CHAF1B: variants seen among roughly 807,000 people sequenced by gnomAD.
CHAF1B encodes the protein chromatin assembly factor 1 subunit B, also known as CAF-1 subunit B.
CHAF1B carries 10 observed loss-of-function variants against 60.7 expected under a neutral mutation model. That is an observed-to-expected ratio of 0.16 (90% CI 0.10 to 0.28). The LOEUF (loss-of-function observed/expected upper bound fraction) is 0.28, where lower values mean the gene tolerates loss of function less well. CHAF1B is among the 10% of genes least tolerant of loss of function. The pLI, the probability that CHAF1B is intolerant of heterozygous loss-of-function variation, is 1.00. For missense variants in CHAF1B, 558 were observed against 708.4 expected (o/e 0.79, Z 2.41); for synonymous variants, 261 against 266.1 (o/e 0.98, Z 0.19).
intron 6 of CHAF1B, among the ~76,000 whole-genome samples, chr21:36,399,196 G>A (rs1011645608): frequency 2.0e-5 from 3 of 151,862 alleles, no homozygotes; most frequent in Non-Finnish European, 2.9e-5. Flanking sequence ...CACCACGCCC[G>A]GCTAATTTTT....
At position 36,417,639 on chromosome 21, in the gene CHAF1B, T is replaced by C. The variant is rs2086329684; in HGVS notation, c.*1273T>C. 2 of 152,040 alleles carry C rather than the reference T, an allele frequency of 1.3e-5. No individual in the cohort carries two copies. The highest frequency in any genetic ancestry group is 6.6e-5 in the Admixed American group (1 of 15,242). 9.4% of individuals were successfully genotyped at this position (152,040 alleles called of 1,614,324 possible). The stretch of plus-strand genomic sequence containing the variant: ...GCTACTGCACCTGGCCTAATTATTA[T>C]ATTTTTAGGGGAGACGGGGTTTTTC... On this transcript the variant is annotated 3_prime_UTR_variant, in exon 14 of 14. Coordinates refer to ENST00000314103, the MANE Select transcript of CHAF1B (RefSeq NM_005441.3).
At chr21:36,408,682 G>T in intron 8 of CHAF1B, 79 bp from the exon 9 acceptor site, 1 of 978,874 alleles carries the variant, frequency 1.0e-6, no homozygotes, top group Non-Finnish European at 1.6e-6. Context: ...CGGACCTGAA[G>T]GCTCTTGAGT....
At chr21:36,394,064 AT>A (rs996810974) in intron 4 of CHAF1B, among the ~76,000 whole-genome samples, 12 of 119,778 alleles carry the variant, frequency 1.0e-4, no homozygotes, top group Admixed American at 2.6e-4. Context: ...ACACCTGGCT[AT>A]TTTTTTTTTG....
At chr21:36,403,876 T>C (rs887146851) in intron 8 of CHAF1B, among the ~76,000 whole-genome samples, 3 of 152,148 alleles carry the variant, frequency 2.0e-5, no homozygotes, top group African/African-American at 4.8e-5. Context: ...GGCACTGTCT[T>C]GGTTTGCCAC....
At chr21:36,415,956 G>T in intron 13 of CHAF1B, 1 of 327,530 alleles carries the variant, frequency 3.1e-6, no homozygotes, top group South Asian at 2.6e-5. Flanking sequence ...GTTTCACCAC[G>T]TTGGCCAGGC....
At position 36,418,447 on chromosome 21, in the gene CHAF1B, G is replaced by A; in HGVS notation, c.*2081G>A. ...AGACAGCTTTCAGTGTCATGTGGCT[G>A]GCGTGAGGTGCGGTTTGCAGTTGTT... On this transcript the variant is annotated 3_prime_UTR_variant, in exon 14 of 14. Transcript: ENST00000314103. 6.6e-6 allele frequency: 1 copy of A among 152,570 alleles called. No individual in the cohort carries two copies. Among genetic ancestry groups the A allele is most frequent in the Non-Finnish European group, 1.5e-5 (1 of 68,222 alleles). 9.5% of individuals were successfully genotyped at this position (152,570 alleles called of 1,614,324 possible).
At position 36,402,747 on chromosome 21, in the gene CHAF1B, G is replaced by T; in HGVS notation, c.664-11G>T. 1.3e-6 allele frequency: 2 copies of T among 1,599,460 alleles called. No homozygotes were observed. Among genetic ancestry groups the T allele is most frequent in the Non-Finnish European group, 1.7e-6 (2 of 1,173,906 alleles). ...AAAAAAAATAATAAAAATAAATTTT[G>T]TGTGCGACAGGCAAGAAGCTACCGG... On this transcript the variant is annotated splice_polypyrimidine_tract_variant and intron_variant, in intron 7 of 13. Coordinates refer to ENST00000314103, the MANE Select transcript of CHAF1B (RefSeq NM_005441.3).
intron 7 of CHAF1B, 122 bp downstream of exon 7, chr21:36,399,727 A>C: frequency 1.3e-6 from 1 of 761,294 alleles, no homozygotes; most frequent in Non-Finnish European, 2.3e-6. Flanking sequence ...CAGAACTACA[A>C]TAAGGCTTCC....
rs1412543998 is a variant in CHAF1B at position 36,415,357 on chromosome 21, T to C, written c.1556T>C (p.Ile519Thr). Residue 519 changes from isoleucine to threonine, a missense_variant, in exon 13 of 14, where the codon ATT (isoleucine) becomes ACT (threonine). Ile to Thr is a moderately conservative substitution (Grantham distance 89). This residue lies in a region of CHAF1B where 233 missense variants were observed against 214.9 expected (regional missense o/e 1.08). Coordinates refer to ENST00000314103, the MANE Select transcript of CHAF1B (RefSeq NM_005441.3). The stretch of plus-strand genomic sequence containing the variant: ...CCAAGTTCTGTACCAACCAGTGTGA[T>C]TTCCACCCCTTCTACAGAAGAAATT... The part of the protein sequence containing the change: ...TPPSSVPTSV[I>T]STPSTEEIQS... 5 of 1,610,532 alleles carry C rather than the reference T, an allele frequency of 3.1e-6. No individual in the cohort carries two copies. Among genetic ancestry groups the C allele is most frequent in the Non-Finnish European group, 4.2e-6 (5 of 1,176,742 alleles).
intron 4 of CHAF1B, among the ~76,000 whole-genome samples, chr21:36,392,598 C>T (rs971381479): frequency 3.0e-4 from 45 of 151,762 alleles, no homozygotes; most frequent in African/African-American, 1.1e-3. Flanking sequence ...AGAGATGCTC[C>T]TCTCTTCCCA....
Position 36,397,400 on chromosome 21 carries a change from G to A in CHAF1B, c.482-15G>A. 3 of 1,390,472 alleles carry A rather than the reference G, an allele frequency of 2.2e-6. No homozygotes were observed. Among genetic ancestry groups the A allele is most frequent in the Admixed American group, 1.9e-5 (1 of 51,942 alleles). The allele number at this position is 1,390,472 out of a possible 1,614,324, so 86.1% of individuals were successfully genotyped here. A position where few individuals can be genotyped will look rare whatever the true frequency, so the allele number is the denominator to read the frequency against. On this transcript the variant is annotated splice_polypyrimidine_tract_variant and intron_variant, in intron 5 of 13. Transcript: ENST00000314103. ...TAATGCTGTTTTGGTGCGTGTGTGT[G>A]TGTTTTTTTTGTAGGACAAAAGATA...
intron 1 of CHAF1B, among the ~76,000 whole-genome samples, chr21:36,385,799 G>C (rs1398190240): frequency 6.6e-6 from 1 of 152,168 alleles, no homozygotes; most frequent in Admixed American, 6.5e-5. Flanking sequence ...AGCGGGGACA[G>C]GCCGTGCAGA....
intron 1 of CHAF1B, 70 bp downstream of exon 1, chr21:36,385,521 C>G (rs1239288805): frequency 6.6e-6 from 1 of 151,916 alleles, no homozygotes; most frequent in Non-Finnish European, 1.5e-5. Context: ...GAGGCCCTCG[C>G]CGAGGGCGGG....
At chr21:36,411,946 A>T (rs1601569000) in intron 11 of CHAF1B, among the ~76,000 whole-genome samples, 1 of 151,990 alleles carries the variant, frequency 6.6e-6, no homozygotes, top group African/African-American at 2.4e-5. Context: ...CCAGGCTGGT[A>T]TCAAACTCCT....
At chr21:36,402,929 C>A in intron 8 of CHAF1B, 78 bp downstream of exon 8, 2 of 1,186,796 alleles carry the variant, frequency 1.7e-6, no homozygotes, top group Non-Finnish European at 2.5e-6. Context: ...TGCAGCTTAT[C>A]AGCTCAGTGA....
intron 2 of CHAF1B, 123 bp from the exon 3 acceptor site, chr21:36,387,475 C>T: frequency 1.7e-6 from 2 of 1,211,432 alleles, no homozygotes; most frequent in Non-Finnish European, 2.4e-6. Flanking sequence ...CCCACCTTGG[C>T]CTCCTAAACT....
rs566220201 is a variant in CHAF1B, at chr21:36,392,776, C to T, written c.377+1108C>T. On this transcript the variant is annotated intron_variant, in intron 4 of 13. Transcript: ENST00000314103. Reference sequence around the variant, plus strand: ...CCCCACATCTCAGACGATGGGCGGCCGGGCAGAGACGCTACTCACTTCCTA... The same window carrying T: ...CCCCACATCTCAGACGATGGGCGGCTGGGCAGAGACGCTACTCACTTCCTA... 7.9e-3 allele frequency among the ~76,000 whole-genome samples: 1,202 copies of T among 151,926 alleles called. 15 individuals are homozygous for T. The highest frequency in any genetic ancestry group is 0.028 in the African/African-American group (1,150 of 41,422).
chr21:36,397,201 C>T (rs1399904661), intron 5 of CHAF1B, among the ~76,000 whole-genome samples: 2 of 152,206 alleles, frequency 1.3e-5, no homozygotes, highest in African/African-American at 4.8e-5. Context: ...ATGGGTCTGT[C>T]TGATCTGTGG....
At chr21:36,401,652 AT>A (rs934800645) in intron 7 of CHAF1B, among the ~76,000 whole-genome samples, 1 of 141,564 alleles carries the variant, frequency 7.1e-6, no homozygotes, top group Non-Finnish European at 1.5e-5. Context: ...ATATTTTTAT[AT>A]TATATATTTT....
Sources: allele counts gnomAD v4.1 joint callset (sites outside exome capture counted in the v4.1 genomes callset), GRCh38; gene constraint gnomAD v4.1.1; regional missense constraint gnomAD v4.1.1; transcripts MANE v1.5; gene names NCBI Gene and HGNC (gene_info 2026-07-23, HGNC 2026-07-21).